MSANTD4: variants seen among roughly 807,000 people sequenced by gnomAD.
MSANTD4 encodes the protein Myb/SANT DNA binding domain containing 4 with coiled-coils, also known as myb/SANT-like DNA-binding domain-containing protein 4.
A neutral mutation model predicts 34.3 loss-of-function variants in MSANTD4; 13 were observed. That is an observed-to-expected ratio of 0.38 (90% CI 0.25 to 0.60). The LOEUF is 0.60. Among genes scored for constraint, MSANTD4 ranks in the 20% least tolerant of loss-of-function variants. The pLI, the probability that MSANTD4 is intolerant of heterozygous loss-of-function variation, is 0.63. For missense variants in MSANTD4, 358 were observed against 401.8 expected (o/e 0.89, Z 0.93); for synonymous variants, 137 against 145.2 (o/e 0.94, Z 0.41).
intron 1 of MSANTD4, among the ~76,000 whole-genome samples, chr11:106,015,763 T>C (rs920584517): frequency 8.5e-5 from 13 of 152,302 alleles, no homozygotes; most frequent in African/African-American, 3.1e-4. Context: ...TCCAGCTATA[T>C]TATTTTTGTG....
chr11:106,017,188 A>C (rs964307946), intron 1 of MSANTD4, among the ~76,000 whole-genome samples: 35 of 152,246 alleles, frequency 2.3e-4, no homozygotes, highest in Non-Finnish European at 5.9e-5. Flanking sequence ...CCCCACGTAG[A>C]TGCTATAGTT....
intron 1 of MSANTD4, among the ~76,000 whole-genome samples, chr11:106,012,371 T>G (rs984724619): frequency 3.9e-5 from 6 of 152,338 alleles, no homozygotes; most frequent in African/African-American, 1.4e-4. Context: ...TTAAGGCTCT[T>G]AATTATGTGC....
In MSANTD4 at chr11:106,009,407, T is replaced by G; in HGVS notation, c.*128A>C. 1.2e-6 allele frequency: 1 copy of G among 860,010 alleles called. No homozygotes were observed. The highest frequency in any genetic ancestry group is 1.8e-6 in the Non-Finnish European group (1 of 563,456). The allele number at this position is 860,010 out of a possible 1,614,324, so 53.3% of individuals were successfully genotyped here. ...ACTTAGGCATACAGTTATCCACATA[T>G]AACTTTTTCCTACTGAACACTGACA... On this transcript the variant is annotated 3_prime_UTR_variant, in exon 3 of 3. Transcript: ENST00000301919.
intron 1 of MSANTD4, among the ~76,000 whole-genome samples, chr11:106,014,189 C>T (rs949147212): frequency 4.6e-5 from 7 of 152,182 alleles, no homozygotes; most frequent in African/African-American, 1.7e-4. Flanking sequence ...CAGAAGCTGT[C>T]AGCTAACTTA....
intron 1 of MSANTD4, among the ~76,000 whole-genome samples, chr11:106,018,551 G>C (rs1859929059): frequency 2.0e-5 from 3 of 152,120 alleles, no homozygotes; most frequent in Admixed American, 2.0e-4. Context: ...AATGTTAAGA[G>C]TTTACTTGGT....
At position 106,011,890 on chromosome 11, in the gene MSANTD4, A is replaced by T. The variant is rs1424793166; in HGVS notation, c.-150-823T>A. Among the ~76,000 whole-genome samples, 4 of 152,250 alleles carry T rather than the reference A, an allele frequency of 2.6e-5. No individual in the cohort carries two copies. The East Asian group carries it at 7.7e-4, about 29-fold the overall frequency. ...TAAAACTCAGAAACCAATTTGAGAC[A>T]ATGTAATCTGATCAAATAAATGCCA... is the stretch of plus-strand genomic sequence containing the variant. On this transcript the variant is annotated intron_variant, in intron 1 of 2. Coordinates refer to ENST00000301919, the MANE Select transcript of MSANTD4 (RefSeq NM_032424.3).
intron 1 of MSANTD4, among the ~76,000 whole-genome samples, chr11:106,015,326 C>T (rs922424025): frequency 2.6e-5 from 4 of 152,114 alleles, no homozygotes; most frequent in Non-Finnish European, 5.9e-5. Flanking sequence ...ATGATAATAA[C>T]ATTACTTCAT....
At chr11:106,010,330 A>C (rs1859655977) in intron 2 of MSANTD4, 126 bp downstream of exon 2, 2 of 1,416,890 alleles carry the variant, frequency 1.4e-6, no homozygotes, top group African/African-American at 2.9e-5. Flanking sequence ...AGAAAAGCAG[A>C]ATGACTTGTT....
In MSANTD4 at chr11:106,020,330, T is replaced by C. The variant is rs139173523; in HGVS notation, c.-151+632A>G. ...GCAGCAAATCTTACTAAGCGAATTC[T>C]GGCTTAATAAGACTATTATTTGCTA... On this transcript the variant is annotated intron_variant, in intron 1 of 2. Transcript: ENST00000301919. Among the ~76,000 whole-genome samples the C allele has an allele frequency of 9.2e-5, 14 of 152,334 alleles. 1 individual carries two copies. The East Asian group carries it at 2.7e-3, about 29-fold the overall frequency.
chr11:106,010,626 G>A lies in MSANTD4; in HGVS notation c.292C>T (p.Leu98Phe). 6.2e-7 allele frequency: 1 copy of A among 1,614,142 alleles called. No individual in the cohort carries two copies. The highest frequency in any genetic ancestry group is 1.6e-4 in the Middle Eastern group (1 of 6,062). Residue 98 changes from leucine (L) to phenylalanine (F), a missense_variant, in exon 2 of 3, where the codon CTT becomes TTT. This residue lies in a region of MSANTD4 where 312 missense variants were observed against 317.6 expected (regional missense o/e 0.98). Coordinates refer to ENST00000301919, the MANE Select transcript of MSANTD4 (RefSeq NM_032424.3). ...GAGTCATCCAAATCAGAGGAGGGAA[G>A]GGGAAATCCTGAACCAACCAGCTTA... ...NIKLVGSGFP[L>F]PSSDLDDSLT...
At position 106,021,494 on chromosome 11, in the gene MSANTD4, G is replaced by T. The variant is rs1266842190; in HGVS notation, c.-683C>A. The T allele has an allele frequency of 6.6e-6, 1 of 152,066 alleles. No individual in the cohort carries two copies. Among genetic ancestry groups the T allele is most frequent in the East Asian group, 1.9e-4 (1 of 5,186 alleles). 9.4% of individuals were successfully genotyped at this position (152,066 alleles called of 1,614,324 possible). On this transcript the variant is annotated 5_prime_UTR_variant, in exon 1 of 3. Coordinates refer to ENST00000301919, the MANE Select transcript of MSANTD4 (RefSeq NM_032424.3). The stretch of plus-strand genomic sequence containing the variant: ...TTAAGAAGTCTGAGAAAAACCAGAC[G>T]GCAAGTTCCGGATCAAAAAAATTTG...
intron 1 of MSANTD4, among the ~76,000 whole-genome samples, chr11:106,011,733 C>T (rs1299949683): frequency 6.6e-6 from 1 of 152,046 alleles, no homozygotes; most frequent in East Asian, 1.9e-4. Flanking sequence ...GGCATGCATA[C>T]CATAAATATG....
chr11:106,019,072 T>C (rs527765951), intron 1 of MSANTD4, among the ~76,000 whole-genome samples: 3 of 152,340 alleles, frequency 2.0e-5, no homozygotes, highest in South Asian at 2.1e-4. Context: ...TCTCTTCCTA[T>C]TGTAAACCCT....
At chr11:106,017,422 T>C (rs1425549314) in intron 1 of MSANTD4, among the ~76,000 whole-genome samples, 2 of 152,172 alleles carry the variant, frequency 1.3e-5, no homozygotes, top group Admixed American at 1.3e-4. Flanking sequence ...TACTTTGAGG[T>C]GATCAACATT....
rs1190326246 is a variant in MSANTD4, at chr11:106,008,092, C to T, written c.*1443G>A. ...AATGCAAAATTAAAGTAATAACTGT[C>T]AACAGAAGAGCTGTATTAAAGCTAC... On this transcript the variant is annotated 3_prime_UTR_variant, in exon 3 of 3. Coordinates refer to ENST00000301919, the MANE Select transcript of MSANTD4 (RefSeq NM_032424.3). 1 of 152,580 alleles carries T rather than the reference C, an allele frequency of 6.6e-6. No individual in the cohort carries two copies. Among genetic ancestry groups the T allele is most frequent in the African/African-American group, 2.4e-5 (1 of 41,424 alleles). The allele number at this position is 152,580 out of a possible 1,614,324, so 9.5% of individuals were successfully genotyped here. A position where few individuals can be genotyped will look rare whatever the true frequency, so the allele number is the denominator to read the frequency against.
chr11:106,019,086 T>C (rs963991063), intron 1 of MSANTD4, among the ~76,000 whole-genome samples: 1 of 152,198 alleles, frequency 6.6e-6, no homozygotes, highest in African/African-American at 2.4e-5. Flanking sequence ...AAACCCTATC[T>C]GAACCCTACC....
chr11:106,009,767 A>G lies in MSANTD4; in HGVS notation c.806T>C (p.Val269Ala). 6.2e-7 allele frequency: 1 copy of G among 1,614,126 alleles called. No homozygotes were observed. The highest frequency in any genetic ancestry group is 8.5e-7 in the Non-Finnish European group (1 of 1,180,024). The change falls in exon 3 of 3, where the codon GTC becomes GCC. Residue 269 changes from valine to alanine, a missense_variant. This residue lies in a region of MSANTD4 where 312 missense variants were observed against 317.6 expected (regional missense o/e 0.98). Coordinates refer to ENST00000301919, the MANE Select transcript of MSANTD4 (RefSeq NM_032424.3). Reference protein sequence around the residue: ...IEREKLRLQIVNSEKPSLENE... With the variant: ...IEREKLRLQIANSEKPSLENE... Reference sequence around the variant, plus strand: ...TTCCAAGGACGGTTTCTCTGAATTGACTATCTGTAACCTCAACTTTTCTCT... The same window carrying G: ...TTCCAAGGACGGTTTCTCTGAATTGGCTATCTGTAACCTCAACTTTTCTCT...
chr11:106,015,788 T>C (rs527382103), intron 1 of MSANTD4, among the ~76,000 whole-genome samples: 18 of 152,334 alleles, frequency 1.2e-4, no homozygotes, highest in Admixed American at 3.9e-4. Context: ...TCAAATATTA[T>C]CTAATAAATA....
chr11:106,015,953 T>C (rs1244453563), intron 1 of MSANTD4, among the ~76,000 whole-genome samples: 1 of 152,164 alleles, frequency 6.6e-6, no homozygotes, highest in African/African-American at 2.4e-5. Flanking sequence ...ACCCTCAAAC[T>C]CCTGAGCCCC....
Sources: allele counts gnomAD v4.1 joint callset (sites outside exome capture counted in the v4.1 genomes callset), GRCh38; gene constraint gnomAD v4.1.1; regional missense constraint gnomAD v4.1.1; transcripts MANE v1.5; gene names NCBI Gene and HGNC (gene_info 2026-07-23, HGNC 2026-07-21).